Variants in LRBA observed in about 807,000 individuals in gnomAD.
LRBA encodes the protein LPS responsive beige-like anchor protein.
In LRBA, 176 loss-of-function variants were observed where a neutral mutation model predicts 330.0. The ratio of observed to expected loss-of-function variants is 0.53; its 90% CI spans 0.47 to 0.60. The LOEUF (loss-of-function observed/expected upper bound fraction) is 0.60, where lower values mean the gene tolerates loss of function less well. Among genes scored for constraint, LRBA ranks in the 20% least tolerant of loss-of-function variants. The probability of loss-of-function intolerance (pLI) is 0.00; values close to 1 mark genes in which losing one functional copy is unlikely to be tolerated. For missense variants in LRBA, 3,259 were observed against 3,444.8 expected, an observed-to-expected ratio of 0.95 and a Z score of 1.35; for synonymous variants, 1,230 against 1,193.0, an observed-to-expected ratio of 1.03 and a Z score of -0.64.
In LRBA at chr4:150,489,034, T is replaced by TAATAA. The variant is rs1758275089; in HGVS notation, c.6449-1201_6449-1200insTTATT. Reference sequence around the variant, plus strand: ...ATATATTATATATAAGAATATATATTATATATAATATATTATATATAAGAA... The same window carrying TAATAA: ...ATATATTATATATAAGAATATATATTAATAAATATATAATATATTATATATAAGAA... On this transcript the variant is annotated intron_variant, in intron 41 of 56. Coordinates refer to ENST00000651943, the MANE Select transcript of LRBA (RefSeq NM_001364905.1). 4.4e-5 allele frequency among the ~76,000 whole-genome samples: 5 copies of TAATAA among 113,812 alleles called. 1 individual carries two copies. In the South Asian group the frequency reaches 1.2e-3, roughly 27 times the overall value. 74.7% of individuals were successfully genotyped at this position (113,812 alleles called of 152,430 possible). A position where few individuals can be genotyped will look rare whatever the true frequency, so the allele number is the denominator to read the frequency against.
At chr4:150,740,642 G>A (rs1452475278) in intron 35 of LRBA, among the ~76,000 whole-genome samples, 2 of 41,776 alleles carry the variant, frequency 4.8e-5, no homozygotes, top group East Asian at 3.8e-4. Flanking sequence ...AGAAAGAATG[G>A]TAAAAAAAAA....
chr4:150,622,314 G>A (rs978334930), intron 37 of LRBA, among the ~76,000 whole-genome samples: 1 of 152,204 alleles, frequency 6.6e-6, no homozygotes, highest in Non-Finnish European at 1.5e-5. Flanking sequence ...TGAGGCAGAA[G>A]GATCACTTGA....
intron 17 of LRBA, among the ~76,000 whole-genome samples, chr4:150,882,747 A>G (rs1000828354): frequency 6.6e-6 from 1 of 152,238 alleles, no homozygotes; most frequent in Non-Finnish European, 1.5e-5. Context: ...ATGATAACAG[A>G]TCATTAACTA....
intron 37 of LRBA, among the ~76,000 whole-genome samples, chr4:150,645,268 C>A (rs778950526): frequency 1.1e-4 from 17 of 150,156 alleles, no homozygotes; most frequent in Non-Finnish European, 2.1e-4. Flanking sequence ...TAGAAATTAG[C>A]TTTTACTGAA....
chr4:150,810,654 T>G (rs1179970743), intron 31 of LRBA, among the ~76,000 whole-genome samples: 2 of 152,130 alleles, frequency 1.3e-5, no homozygotes, highest in Non-Finnish European at 2.9e-5. Context: ...CAGGCTGGAG[T>G]GCAGTGGTGT....
At chr4:150,863,806 A>ATATC (rs1323087645) in intron 22 of LRBA, among the ~76,000 whole-genome samples, 1 of 152,218 alleles carries the variant, frequency 6.6e-6, no homozygotes, top group Admixed American at 6.5e-5. Flanking sequence ...AACACCTGAG[A>ATATC]TATCACCTAA....
intron 2 of LRBA, among the ~76,000 whole-genome samples, chr4:150,953,421 G>T (rs1737089912): frequency 7.3e-6 from 1 of 136,490 alleles, no homozygotes. Flanking sequence ...CCGAGCCAAG[G>T]CTGGACTGTA....
At position 150,908,749 on chromosome 4, in the gene LRBA, G is replaced by A. The variant is rs945099173; in HGVS notation, c.1270C>T (p.Arg424Trp). 55 of 1,613,494 alleles carry A rather than the reference G, an allele frequency of 3.4e-5. No individual in the cohort carries two copies. The highest frequency in any genetic ancestry group is 4.2e-5 in the Non-Finnish European group (50 of 1,179,554). Residue 424 changes from arginine (R) to tryptophan (W), a missense_variant, in exon 10 of 57, where the codon CGG becomes TGG. Transcript: ENST00000651943. ...AGACAAAGCTGGGCATCTGTAGCCC[G>A]TGGATTGTACGTGAATGCAATGGCA... ...SSAIAFTYNP[R>W]ATDAQLCLES...
intron 17 of LRBA, among the ~76,000 whole-genome samples, chr4:150,875,470 G>A (rs1753908878): frequency 6.6e-6 from 1 of 152,128 alleles, no homozygotes; most frequent in South Asian, 2.1e-4. Flanking sequence ...ATTGCCTGAG[G>A]CAACAGAGAA....
At chr4:150,292,904 C>T (rs1049016820) in intron 53 of LRBA, among the ~76,000 whole-genome samples, 5 of 151,954 alleles carry the variant, frequency 3.3e-5, no homozygotes, top group Non-Finnish European at 7.4e-5. Flanking sequence ...AATTAACATG[C>T]TTAAAGACCA....
intron 37 of LRBA, among the ~76,000 whole-genome samples, chr4:150,611,021 T>G (rs1775203707): frequency 6.6e-6 from 1 of 152,166 alleles, no homozygotes; most frequent in Non-Finnish European, 1.5e-5. Context: ...ATACTGTACT[T>G]GAAGACTTTC....
intron 44 of LRBA, among the ~76,000 whole-genome samples, chr4:150,452,731 C>G (rs543428268): frequency 2.5e-4 from 38 of 152,098 alleles, no homozygotes; most frequent in African/African-American, 8.9e-4. Context: ...TTTCCCCTAA[C>G]ACAAAAGACA....
intron 34 of LRBA, among the ~76,000 whole-genome samples, chr4:150,795,732 T>C (rs958752907): frequency 1.2e-4 from 18 of 151,908 alleles, no homozygotes; most frequent in Non-Finnish European, 2.5e-4. Flanking sequence ...AAAATGACAA[T>C]CTTAGTCAAA....
At chr4:150,915,246 T>C (rs940690160) in intron 8 of LRBA, among the ~76,000 whole-genome samples, 2 of 152,150 alleles carry the variant, frequency 1.3e-5, no homozygotes, top group African/African-American at 4.8e-5. Context: ...TAGTTAACTA[T>C]AGCAGTTAGA....
chr4:150,869,986 T>G (rs17027156), intron 20 of LRBA, among the ~76,000 whole-genome samples: 2,829 of 152,180 alleles, frequency 0.019, 82 homozygotes, highest in African/African-American at 0.064. Flanking sequence ...CCTAACCACA[T>G]AAAATGTAAT....
At chr4:150,378,757 G>A (rs1741738832) in intron 47 of LRBA, among the ~76,000 whole-genome samples, 1 of 152,098 alleles carries the variant, frequency 6.6e-6, no homozygotes, top group Non-Finnish European at 1.5e-5. Flanking sequence ...ATAACCACAT[G>A]ATGAAAGCAA....
At chr4:150,320,985 C>G (rs911644134) in intron 50 of LRBA, among the ~76,000 whole-genome samples, 6 of 151,946 alleles carry the variant, frequency 3.9e-5, no homozygotes, top group African/African-American at 1.2e-4. Flanking sequence ...GATAAACCAC[C>G]AGAAGCTAAA....
chr4:150,649,286 C>T (rs551790014), intron 37 of LRBA, among the ~76,000 whole-genome samples: 53 of 152,208 alleles, frequency 3.5e-4, no homozygotes, highest in South Asian at 8.3e-4. Context: ...ATATCTTGGC[C>T]CCAATATTTA....
At chr4:150,640,548 G>A (rs1778578013) in intron 37 of LRBA, among the ~76,000 whole-genome samples, 1 of 152,092 alleles carries the variant, frequency 6.6e-6, no homozygotes, top group Non-Finnish European at 1.5e-5. Flanking sequence ...CATAGATAAG[G>A]AATAATTGCA....
Sources: gnomAD v4.1 joint callset for allele counts (sites outside exome capture counted in the v4.1 genomes callset) on GRCh38, gnomAD v4.1.1 for gene constraint, MANE v1.5 for transcripts, NCBI Gene and HGNC (gene_info 2026-07-23, HGNC 2026-07-21) for gene names.